The following ACTR5 variants were observed in gnomAD, a reference collection of about 807,000 sequenced individuals.
The protein encoded by ACTR5 is actin-related protein 5.
A neutral mutation model predicts 61.2 loss-of-function variants in ACTR5; 43 were observed. The ratio of observed to expected loss-of-function variants is 0.70; its 90% CI spans 0.55 to 0.91. The LOEUF (loss-of-function observed/expected upper bound fraction) is 0.91, where lower values mean the gene tolerates loss of function less well. Among genes scored for constraint, ACTR5 ranks in the 40% least tolerant of loss-of-function variants. The pLI, the probability that ACTR5 is intolerant of heterozygous loss-of-function variation, is 0.00. For missense variants in ACTR5, 798 were observed against 782.2 expected (o/e 1.02, Z -0.24); for synonymous variants, 333 against 310.5 (o/e 1.07, Z -0.76).
At chr20:38,764,631 A>T (rs1033795656) in intron 5 of ACTR5, among the ~76,000 whole-genome samples, 3 of 152,118 alleles carry the variant, frequency 2.0e-5, no homozygotes, top group African/African-American at 7.2e-5. Context: ...GGGACCTGCT[A>T]TTAAGGGACT....
chr20:38,768,426 G>A (rs2084500970), intron 8 of ACTR5, among the ~76,000 whole-genome samples: 1 of 152,198 alleles, frequency 6.6e-6, no homozygotes. Flanking sequence ...TCAGCAGAGA[G>A]ACAAGGTGCC....
At chr20:38,751,898 G>A (rs1343345310) in intron 2 of ACTR5, among the ~76,000 whole-genome samples, 3 of 152,168 alleles carry the variant, frequency 2.0e-5, no homozygotes, top group Non-Finnish European at 4.4e-5. Context: ...AGATCTGACT[G>A]GAGTGCATAC....
At position 38,755,111 on chromosome 20, in the gene ACTR5, C is replaced by CCGG; in HGVS notation, c.937_939dup (p.Arg313dup). On this transcript the variant is annotated inframe_insertion, in exon 4 of 9. Transcript: ENST00000243903. ...TGCGGCGGCTGCAGGAGCTCAATGCCCGGCGGCGGGAGGAGAAGCTGCAGC... is the reference window on the plus strand; with the variant it reads ...TGCGGCGGCTGCAGGAGCTCAATGCCCGGCGGCGGCGGGAGGAGAAGCTGCAGC... 6.2e-7 allele frequency: 1 copy of CCGG among 1,614,078 alleles called. No individual in the cohort carries two copies. Among genetic ancestry groups the CCGG allele is most frequent in the East Asian group, 2.2e-5 (1 of 44,890 alleles).
chr20:38,748,590 G>T lies in ACTR5; in HGVS notation c.112G>T (p.Gly38Trp). Residue 38 changes from glycine to tryptophan, a missense_variant, in exon 1 of 9, where the codon GGG becomes TGG. Coordinates refer to ENST00000243903, the MANE Select transcript of ACTR5 (RefSeq NM_024855.4). ...GCCGGTACCGCTGGTGCTGGACAAC[G>T]GGTCGTTCCAAGTCCGCGCTGGCTG... ...PLPVPLVLDN[G>W]SFQVRAGWAC... 2 of 1,523,550 alleles carry T rather than the reference G, an allele frequency of 1.3e-6. No homozygotes were observed. The highest frequency in any genetic ancestry group is 2.7e-5 in the East Asian group (1 of 37,498). The allele number at this position is 1,523,550 out of a possible 1,614,324, so 94.4% of individuals were successfully genotyped here. A position where few individuals can be genotyped will look rare whatever the true frequency, so the allele number is the denominator to read the frequency against.
chr20:38,767,332 T>G, intron 7 of ACTR5, 132 bp from the exon 8 acceptor site: 2 of 886,696 alleles, frequency 2.3e-6, no homozygotes, highest in African/African-American at 1.7e-5. Context: ...AAATGAAAGT[T>G]TTGATTTTTT....
In ACTR5 at chr20:38,758,642, G is replaced by A. The variant is rs1009409336; in HGVS notation, c.1176+2603G>A. Among the ~76,000 whole-genome samples, 101 of 105,360 alleles carry A rather than the reference G, an allele frequency of 9.6e-4. 1 individual carries two copies. Among genetic ancestry groups the A allele is most frequent in the Non-Finnish European group, 3.0e-4 (15 of 49,258 alleles). 69.1% of individuals were successfully genotyped at this position (105,360 alleles called of 152,430 possible). A position where few individuals can be genotyped will look rare whatever the true frequency, so the allele number is the denominator to read the frequency against. Reference sequence around the variant, plus strand: ...AGCCTGGGCAACAGAGCAAGACCCCGTCTCAAAAAAAAAAAAAAGTGATGA... The same window carrying A: ...AGCCTGGGCAACAGAGCAAGACCCCATCTCAAAAAAAAAAAAAAGTGATGA... On this transcript the variant is annotated intron_variant, in intron 5 of 8. Coordinates refer to ENST00000243903, the MANE Select transcript of ACTR5 (RefSeq NM_024855.4).
chr20:38,769,103 C>T (rs1170826418), intron 8 of ACTR5, among the ~76,000 whole-genome samples: 1 of 152,232 alleles, frequency 6.6e-6, no homozygotes, highest in Non-Finnish European at 1.5e-5. Context: ...ACCCGCTCGT[C>T]AGCCACAGCT....
intron 4 of ACTR5, 136 bp from the exon 5 acceptor site, chr20:38,755,721 T>A: frequency 2.4e-6 from 2 of 818,906 alleles, no homozygotes. Context: ...GGCAGCTGTG[T>A]GAAACTGGAG....
intron 5 of ACTR5, among the ~76,000 whole-genome samples, chr20:38,763,223 C>T (rs1267450520): frequency 6.6e-6 from 1 of 152,192 alleles, no homozygotes; most frequent in Non-Finnish European, 1.5e-5. Context: ...TGAAAAAGAA[C>T]TTTGATGATT....
rs62202475 is a variant in ACTR5, at chr20:38,771,873, G to T, written c.*57G>T. 121,663 of 1,551,372 alleles carry T rather than the reference G, an allele frequency of 0.078. 5,018 individuals carry two copies. The highest frequency in any genetic ancestry group is 0.12 in the African/African-American group (9,223 of 73,814). ...CCATGCCTTGGGCCACGTTGGCAGT[G>T]TGACAGGACTGTGATTGTGCTAGAT... On this transcript the variant is annotated 3_prime_UTR_variant, in exon 9 of 9. Coordinates refer to ENST00000243903, the MANE Select transcript of ACTR5 (RefSeq NM_024855.4).
chr20:38,763,865 G>C (rs1028757455), intron 5 of ACTR5, among the ~76,000 whole-genome samples: 2 of 152,116 alleles, frequency 1.3e-5, no homozygotes, highest in African/African-American at 4.8e-5. Flanking sequence ...CTCCTCCTCA[G>C]ATTACCTCTA....
Position 38,767,472 on chromosome 20 carries a change from A to C in ACTR5, c.1442A>C (p.Lys481Thr), listed in dbSNP as rs1207945757. The change falls in exon 8 of 9, where the codon AAG (lysine) becomes ACG (threonine). Residue 481 changes from lysine (K) to threonine (T), a missense_variant. Coordinates refer to ENST00000243903, the MANE Select transcript of ACTR5 (RefSeq NM_024855.4). ...TLQYILDRYPKDIQEMLVQNV... is the reference protein window; with the variant it reads ...TLQYILDRYPTDIQEMLVQNV... ...AGTTGTTTCTTTCCTAGGTACCCAA[A>C]GGACATTCAGGAAATGCTGGTTCAG... The C allele has an allele frequency of 6.2e-7, 1 of 1,613,898 alleles. No individual in the cohort carries two copies. Among genetic ancestry groups the C allele is most frequent in the Middle Eastern group, 1.6e-4 (1 of 6,062 alleles).
intron 5 of ACTR5, among the ~76,000 whole-genome samples, chr20:38,756,856 A>G (rs1249241718): frequency 6.6e-6 from 1 of 152,244 alleles, no homozygotes; most frequent in East Asian, 1.9e-4. Context: ...GTGAGCCGAG[A>G]CCGCTCCGTT....
At chr20:38,749,745 G>A (rs1295969102) in intron 1 of ACTR5, among the ~76,000 whole-genome samples, 3 of 152,210 alleles carry the variant, frequency 2.0e-5, no homozygotes, top group Admixed American at 1.3e-4. Flanking sequence ...ATTAGAAGCA[G>A]TTGGATTCTG....
rs762622062 is a variant in ACTR5, at chr20:38,748,782, G to A, written c.304G>A (p.Val102Met). ...WMLRSPFDRN[V>M]PVNLELQELL... ...GCTGCGCTCGCCCTTCGACCGCAAC[G>A]TGCCGGTCAACCTGGAGCTTCAGGA... Residue 102 changes from valine (V) to methionine (M), a missense_variant, in exon 1 of 9, where the codon GTG (valine) becomes ATG (methionine). Physicochemically the swap from Val to Met is conservative, Grantham distance 21 (BLOSUM62 1). Coordinates refer to ENST00000243903, the MANE Select transcript of ACTR5 (RefSeq NM_024855.4). 1 of 1,608,652 alleles carries A rather than the reference G, an allele frequency of 6.2e-7. No individual in the cohort carries two copies. The highest frequency in any genetic ancestry group is 8.5e-7 in the Non-Finnish European group (1 of 1,178,802).
chr20:38,751,849 C>CA (rs2084388850), intron 2 of ACTR5, among the ~76,000 whole-genome samples: 1 of 152,146 alleles, frequency 6.6e-6, no homozygotes, highest in Non-Finnish European at 1.5e-5. Context: ...TACCTGGTCC[C>CA]AGGACTACAG....
At chr20:38,753,983 G>A (rs967813290) in intron 3 of ACTR5, among the ~76,000 whole-genome samples, 1 of 150,514 alleles carries the variant, frequency 6.6e-6, no homozygotes, top group Non-Finnish European at 1.5e-5. Context: ...ACTTTTCACA[G>A]TCTACTTAGA....
At chr20:38,767,338 T>A in intron 7 of ACTR5, 126 bp from the exon 8 acceptor site, 1 of 751,086 alleles carries the variant, frequency 1.3e-6, no homozygotes, top group Non-Finnish European at 1.9e-6. Context: ...AAGTTTTGAT[T>A]TTTTTTTTTT....
chr20:38,765,910 C>A (rs1048546036), intron 6 of ACTR5, among the ~76,000 whole-genome samples: 1 of 152,232 alleles, frequency 6.6e-6, no homozygotes, highest in African/African-American at 2.4e-5. Context: ...TGGGAGAGAG[C>A]TTCCTTGCCG....
Sources: allele counts gnomAD v4.1 joint callset (sites outside exome capture counted in the v4.1 genomes callset), GRCh38; gene constraint gnomAD v4.1.1; transcripts MANE v1.5; gene names NCBI Gene and HGNC (gene_info 2026-07-23, HGNC 2026-07-21).